Variants in FOSL2 observed in about 807,000 individuals in gnomAD.
FOSL2 encodes FOS like 2, AP-1 transcription factor subunit, also known as fos-related antigen 2.
FOSL2 carries 3 observed loss-of-function variants against 27.7 expected under a neutral mutation model. The observed-to-expected ratio is 0.11, with a 90% CI of 0.05 to 0.28. The LOEUF (loss-of-function observed/expected upper bound fraction) is 0.28. Among genes scored for constraint, FOSL2 ranks in the 10% least tolerant of loss-of-function variants. The pLI, the probability that FOSL2 is intolerant of heterozygous loss-of-function variation, is 1.00. For synonymous variants in FOSL2, 179 were observed against 190.1 expected (o/e 0.94, Z 0.48); for missense variants, 333 against 445.1 (o/e 0.75, Z 2.27).
chr2:28,410,273 A>G (rs939597143), intron 3 of FOSL2, among the ~76,000 whole-genome samples: 2 of 151,966 alleles, frequency 1.3e-5, no homozygotes, highest in Non-Finnish European at 2.9e-5. Flanking sequence ...TCCCACCACT[A>G]ACCTTTCTGT....
chr2:28,398,621 C>T (rs1012132495), intron 1 of FOSL2, among the ~76,000 whole-genome samples: 1 of 152,244 alleles, frequency 6.6e-6, no homozygotes, highest in Admixed American at 6.5e-5. Context: ...TTCCCTGCTT[C>T]TCTTCCCCCT....
At chr2:28,407,699 G>A (rs537487316) in intron 2 of FOSL2, among the ~76,000 whole-genome samples, 19 of 152,234 alleles carry the variant, frequency 1.2e-4, no homozygotes, top group African/African-American at 7.2e-5. Context: ...GTTAGTAGGT[G>A]TGCAGTCAAC....
chr2:28,416,446 T>G lies in FOSL2; in HGVS notation c.*3998T>G, dbSNP rs1664313565. On this transcript the variant is annotated 3_prime_UTR_variant, in exon 4 of 4. Coordinates refer to ENST00000264716, the MANE Select transcript of FOSL2 (RefSeq NM_005253.4). The stretch of plus-strand genomic sequence containing the variant: ...TGATAGCATTAAAATACTCCGTTCC[T>G]CTCTCTCTTCTCGCTTCCTTTTTTT... 1 of 139,832 alleles carries G rather than the reference T, an allele frequency of 7.2e-6. No homozygotes were observed. The highest frequency in any genetic ancestry group is 8.0e-5 in the Admixed American group (1 of 12,426). The allele number at this position is 139,832 out of a possible 1,614,324, so 8.7% of individuals were successfully genotyped here.
At position 28,404,247 on chromosome 2, in the gene FOSL2, C is replaced by T; in HGVS notation, c.243C>T (p.Pro81=). 6.2e-7 allele frequency: 1 copy of T among 1,614,222 alleles called. No homozygotes were observed. Among genetic ancestry groups the T allele is most frequent in the Non-Finnish European group, 8.5e-7 (1 of 1,180,042 alleles). ...SMSNPYPRSH[P]YSPLPGLASV... is the part of the protein sequence containing the mutation. ...CCAACCCATACCCTCGCTCGCACCC[C>T]TACAGCCCCCTGCCGGGCCTGGCCT... The change falls in exon 2 of 4, where the codon CCC becomes CCT. Residue 81 remains proline (P), a synonymous_variant. Transcript: ENST00000264716. The surrounding 1 kb of genome is among the most constrained non-coding windows in gnomAD (Gnocchi z 4.7).
chr2:28,398,371 C>T (rs982236256), intron 1 of FOSL2, among the ~76,000 whole-genome samples: 2 of 152,124 alleles, frequency 1.3e-5, no homozygotes, highest in East Asian at 1.9e-4. Context: ...GGCCCTGTCC[C>T]GTGGCAGTGA....
chr2:28,415,741 G>A lies in FOSL2; in HGVS notation c.*3293G>A, dbSNP rs1029427506. On this transcript the variant is annotated 3_prime_UTR_variant, in exon 4 of 4. Transcript: ENST00000264716. ...GTTAGGCGCTTTTATATAGATCCTCGTTAGGATGAGACTAAGGGATGAGGA... is the reference window on the plus strand; with the variant it reads ...GTTAGGCGCTTTTATATAGATCCTCATTAGGATGAGACTAAGGGATGAGGA... The A allele has an allele frequency of 2.0e-5, 3 of 152,160 alleles. No homozygotes were observed. Among genetic ancestry groups the A allele is most frequent in the African/African-American group, 7.2e-5 (3 of 41,432 alleles). 9.4% of individuals were successfully genotyped at this position (152,160 alleles called of 1,614,324 possible).
At chr2:28,395,324 C>CT (rs1336640919) in intron 1 of FOSL2, among the ~76,000 whole-genome samples, 1 of 152,248 alleles carries the variant, frequency 6.6e-6, no homozygotes, top group Non-Finnish European at 1.5e-5. Context: ...CTGTCTCCTC[C>CT]TCCCTGAAAT....
chr2:28,415,593 T>C lies in FOSL2; in HGVS notation c.*3145T>C, dbSNP rs915482564. The stretch of plus-strand genomic sequence containing the variant: ...GGGACTTTTTTTCTCTTTTCCTTGA[T>C]GGACCAACAGTGCAAATGCAATCTC... On this transcript the variant is annotated 3_prime_UTR_variant, in exon 4 of 4. Coordinates refer to ENST00000264716, the MANE Select transcript of FOSL2 (RefSeq NM_005253.4). The C allele has an allele frequency of 2.0e-5, 3 of 152,242 alleles. No homozygotes were observed. Among genetic ancestry groups the C allele is most frequent in the African/African-American group, 7.2e-5 (3 of 41,470 alleles). 9.4% of individuals were successfully genotyped at this position (152,242 alleles called of 1,614,324 possible). A position where few individuals can be genotyped will look rare whatever the true frequency, so the allele number is the denominator to read the frequency against.
At chr2:28,399,882 T>C (rs1663936063) in intron 1 of FOSL2, among the ~76,000 whole-genome samples, 1 of 152,186 alleles carries the variant, frequency 6.6e-6, no homozygotes, top group South Asian at 2.1e-4. Flanking sequence ...CGCACTGCAG[T>C]GGCAGAATTG....
chr2:28,393,771 C>T lies in FOSL2; in HGVS notation c.51C>T (p.Ser17=). ...TTGACACCTCGTCCCGGGGCAGCAGCGGCTCTCCTGCGCACGCCGAGTCCT... is the reference window on the plus strand; with the variant it reads ...TTGACACCTCGTCCCGGGGCAGCAGTGGCTCTCCTGCGCACGCCGAGTCCT... ...GNFDTSSRGS[S]GSPAHAESYS... The change falls in exon 1 of 4, where the codon AGC becomes AGT. Residue 17 remains serine, a synonymous_variant. Transcript: ENST00000264716. This position sits in a 1 kb window ranked among gnomAD's most constrained non-coding sequence, Gnocchi z 4.6. 2 of 1,609,320 alleles carry T rather than the reference C, an allele frequency of 1.2e-6. No individual in the cohort carries two copies. The highest frequency in any genetic ancestry group is 1.7e-6 in the Non-Finnish European group (2 of 1,178,346).
intron 3 of FOSL2, among the ~76,000 whole-genome samples, chr2:28,409,405 G>A (rs1438987082): frequency 6.6e-6 from 1 of 152,158 alleles, no homozygotes; most frequent in East Asian, 1.9e-4. Flanking sequence ...ATGGGCAGGC[G>A]GGTTCCCCAC....
chr2:28,399,534 C>A (rs1334330740), intron 1 of FOSL2, among the ~76,000 whole-genome samples: 1 of 152,132 alleles, frequency 6.6e-6, no homozygotes, highest in African/African-American at 2.4e-5. Context: ...TCCCAAGCAG[C>A]CCGGTGGCAC....
At chr2:28,397,052 T>G (rs928134420) in intron 1 of FOSL2, 1 of 152,148 alleles carries the variant, frequency 6.6e-6, no homozygotes, top group Non-Finnish European at 1.5e-5. Context: ...CTTAGGATGC[T>G]TTTTCTTTTT....
chr2:28,409,876 G>T (rs1461959047), intron 3 of FOSL2, among the ~76,000 whole-genome samples: 1 of 152,218 alleles, frequency 6.6e-6, no homozygotes, highest in African/African-American at 2.4e-5. Flanking sequence ...AACTAGCGGG[G>T]ATTACAGGTG....
At position 28,393,830 on chromosome 2, in the gene FOSL2, C is replaced by T; in HGVS notation, c.102+8C>T. The T allele has an allele frequency of 6.3e-7, 1 of 1,582,094 alleles. No homozygotes were observed. Among genetic ancestry groups the T allele is most frequent in the Non-Finnish European group, 8.6e-7 (1 of 1,164,082 alleles). On this transcript the variant is annotated splice_region_variant and intron_variant, in intron 1 of 3. Transcript: ENST00000264716. The surrounding 1 kb of genome is among the most constrained non-coding windows in gnomAD (Gnocchi z 4.6). ...GGCGGCGGCGGCCAGCAGGTAGGTGCGGGCCCCGGTGCACCTGGCGGCGCG... is the reference window on the plus strand; with the variant it reads ...GGCGGCGGCGGCCAGCAGGTAGGTGTGGGCCCCGGTGCACCTGGCGGCGCG...
chr2:28,397,115 T>C (rs1386979138), intron 1 of FOSL2: 2 of 152,202 alleles, frequency 1.3e-5, no homozygotes, highest in African/African-American at 4.8e-5. Context: ...TAGGAACTGC[T>C]TGACTTTGAG....
At chr2:28,411,334 A>G (rs1301819451) in intron 3 of FOSL2, among the ~76,000 whole-genome samples, 1 of 152,124 alleles carries the variant, frequency 6.6e-6, no homozygotes, top group African/African-American at 2.4e-5. Flanking sequence ...ATCCATCCAC[A>G]GGTGGGCTGG....
In FOSL2 at chr2:28,392,917, G is replaced by C; in HGVS notation, c.-804G>C. ...CGAGCGAACCAGCGAGCGAGCGAAC[G>C]AGCGGCGCTCGGCGGGGACAGAAAG... On this transcript the variant is annotated 5_prime_UTR_variant, in exon 1 of 4. Transcript: ENST00000264716. 1.4e-6 allele frequency: 1 copy of C among 713,346 alleles called. No individual in the cohort carries two copies. Among genetic ancestry groups the C allele is most frequent in the Admixed American group, 2.0e-5 (1 of 49,842 alleles). 44.2% of individuals were successfully genotyped at this position (713,346 alleles called of 1,614,324 possible).
rs1003602553 is a variant in FOSL2, at chr2:28,393,348, T to C, written c.-373T>C. On this transcript the variant is annotated 5_prime_UTR_variant, in exon 1 of 4. Transcript: ENST00000264716. The surrounding 1 kb of genome is among the most constrained non-coding windows in gnomAD (Gnocchi z 4.6). ...GCTCGCTGGGCTCCTAATCTTTTTT[T>C]TAATTTCCAATTTTTGATTGGGCCG... is the stretch of plus-strand genomic sequence containing the variant. 2.5e-5 allele frequency: 6 copies of C among 237,612 alleles called. No homozygotes were observed. The highest frequency in any genetic ancestry group is 4.0e-5 in the Non-Finnish European group (5 of 123,872). The allele number at this position is 237,612 out of a possible 1,614,324, so 14.7% of individuals were successfully genotyped here.
Sources: gnomAD v4.1 joint callset for allele counts (sites outside exome capture counted in the v4.1 genomes callset) on GRCh38, gnomAD v4.1.1 for gene constraint, Gnocchi (gnomAD v3.1) non-coding constraint, MANE v1.5 for transcripts, NCBI Gene and HGNC (gene_info 2026-07-23, HGNC 2026-07-21) for gene names.